The following SIPA1L1 variants were observed in gnomAD, a reference collection of about 807,000 sequenced individuals.
SIPA1L1 encodes the protein signal induced proliferation associated 1 like 1.
SIPA1L1 carries 26 observed loss-of-function variants against 162.7 expected under a neutral mutation model. That is an observed-to-expected ratio of 0.16 (90% CI 0.12 to 0.22). The LOEUF (loss-of-function observed/expected upper bound fraction) is 0.22. SIPA1L1 is among the 10% of genes least tolerant of loss of function. The pLI is 1.00. For synonymous variants in SIPA1L1, 829 were observed against 837.4 expected (o/e 0.99, Z 0.17); for missense variants, 1,874 against 2,241.0 (o/e 0.84, Z 3.31).
At chr14:71,606,358 G>A (rs1333845208) in intron 5 of SIPA1L1, among the ~76,000 whole-genome samples, 1 of 152,136 alleles carries the variant, frequency 6.6e-6, no homozygotes, top group Non-Finnish European at 1.5e-5. Flanking sequence ...TTCAGCCCTG[G>A]TGGTAGCAGT....
chr14:71,559,964 T>C (rs2056655559), intron 4 of SIPA1L1, among the ~76,000 whole-genome samples: 1 of 152,106 alleles, frequency 6.6e-6, no homozygotes, highest in Non-Finnish European at 1.5e-5. Context: ...AAATTTATGC[T>C]CCATATGTAA....
chr14:71,612,713 A>G (rs979856336), intron 5 of SIPA1L1, among the ~76,000 whole-genome samples: 3 of 152,152 alleles, frequency 2.0e-5, no homozygotes, highest in Non-Finnish European at 2.9e-5. Flanking sequence ...GTAAAACACC[A>G]AGCTTAACTT....
At chr14:71,619,594 CCT>C (rs889797032) in intron 6 of SIPA1L1, among the ~76,000 whole-genome samples, 1 of 151,808 alleles carries the variant, frequency 6.6e-6, no homozygotes, top group Non-Finnish European at 1.5e-5. Context: ...ATGAGGTTCT[CCT>C]TTTTCTTTGT....
chr14:71,351,599 T>A (rs2036713025), intron 2 of SIPA1L1, among the ~76,000 whole-genome samples: 1 of 129,156 alleles, frequency 7.7e-6, no homozygotes, highest in Non-Finnish European at 1.7e-5. Context: ...TCCTGTATGG[T>A]TTCCTAATAC....
At chr14:71,456,060 G>A (rs188005829) in intron 2 of SIPA1L1, among the ~76,000 whole-genome samples, 3 of 152,278 alleles carry the variant, frequency 2.0e-5, no homozygotes, top group African/African-American at 7.2e-5. Flanking sequence ...TATTTCACAT[G>A]CAATATCATT....
intron 2 of SIPA1L1, among the ~76,000 whole-genome samples, chr14:71,486,579 A>G (rs2048775176): frequency 6.6e-6 from 1 of 152,218 alleles, no homozygotes; most frequent in African/African-American, 2.4e-5. Context: ...AAAGAAGGGG[A>G]GCGGAGTGGA....
intron 2 of SIPA1L1, among the ~76,000 whole-genome samples, chr14:71,379,208 T>A (rs2039672640): frequency 1.3e-5 from 2 of 152,214 alleles, no homozygotes; most frequent in Non-Finnish European, 2.9e-5. Flanking sequence ...CTTTTTTTCA[T>A]ATTTTTCTGT....
intron 5 of SIPA1L1, among the ~76,000 whole-genome samples, chr14:71,601,194 A>G (rs2148009927): frequency 6.6e-6 from 1 of 152,264 alleles, no homozygotes; most frequent in Non-Finnish European, 1.5e-5. Flanking sequence ...AAAGGATTTC[A>G]GCTTTTCCCC....
intron 12 of SIPA1L1, among the ~76,000 whole-genome samples, chr14:71,679,748 C>G (rs1334654040): frequency 6.6e-6 from 1 of 151,858 alleles, no homozygotes; most frequent in Non-Finnish European, 1.5e-5. Context: ...ATCTACCAAG[C>G]AAATGGAAAA....
intron 2 of SIPA1L1, among the ~76,000 whole-genome samples, chr14:71,372,188 C>T (rs913146361): frequency 6.6e-6 from 1 of 152,094 alleles, no homozygotes; most frequent in Non-Finnish European, 1.5e-5. Context: ...GCTCACCTTC[C>T]TGTGTAGACT....
At chr14:71,347,141 A>G (rs1490794841) in intron 2 of SIPA1L1, among the ~76,000 whole-genome samples, 4 of 148,508 alleles carry the variant, frequency 2.7e-5, no homozygotes, top group Non-Finnish European at 6.0e-5. Context: ...TCGTATTTTT[A>G]GTAGAGATGG....
chr14:71,615,881 A>G (rs1161127275), intron 5 of SIPA1L1, among the ~76,000 whole-genome samples: 2 of 152,222 alleles, frequency 1.3e-5, no homozygotes, highest in African/African-American at 4.8e-5. Flanking sequence ...CTGTAATCCC[A>G]GCTACTCTGA....
intron 2 of SIPA1L1, chr14:71,414,088 C>T (rs2042591899): frequency 6.6e-6 from 1 of 152,024 alleles, no homozygotes; most frequent in African/African-American, 2.4e-5. Flanking sequence ...CTTAGAAGAC[C>T]TGCTATTTGG....
chr14:71,710,807 CAA>C (rs570414143), intron 17 of SIPA1L1, among the ~76,000 whole-genome samples: 14 of 57,640 alleles, frequency 2.4e-4, no homozygotes, highest in African/African-American at 2.7e-4. Flanking sequence ...GATTCTGTCT[CAA>C]AAAAAAAAAA....
At chr14:71,664,698 A>C (rs1055309959) in intron 10 of SIPA1L1, among the ~76,000 whole-genome samples, 2 of 152,190 alleles carry the variant, frequency 1.3e-5, no homozygotes, top group Non-Finnish European at 2.9e-5. Context: ...TTAGCATTTA[A>C]AACCTCTTGG....
In SIPA1L1 at chr14:71,524,857, C is replaced by T. The variant is rs145870197; in HGVS notation, c.-361-4455C>T. Among the ~76,000 whole-genome samples the T allele has an allele frequency of 4.6e-5, 7 of 152,330 alleles. No homozygotes were observed. The East Asian group carries it at 1.4e-3, about 29-fold the overall frequency. On this transcript the variant is annotated intron_variant, in intron 3 of 23. Transcript: ENST00000381232. ...TCATGTCTCCATGCATACGTTCTCT[C>T]CCTCTGCCTAGAGTGATACTTCTAT...
rs1160937320 is a variant in SIPA1L1 at position 71,377,440 on chromosome 14, C to T, written c.-465+56259C>T. On this transcript the variant is annotated intron_variant, in intron 2 of 23. Coordinates refer to ENST00000381232, the MANE Select transcript of SIPA1L1 (RefSeq NM_001386936.1). The surrounding 1 kb of genome is among the most constrained non-coding windows in gnomAD (Gnocchi z 4.8). ...ACAGGGTGGCAGCCGGGTAGAGATG[C>T]TCCTCACTTCCCAGACTGGGCGGCC... 1.3e-5 allele frequency among the ~76,000 whole-genome samples: 2 copies of T among 151,848 alleles called. No homozygotes were observed. Among genetic ancestry groups the T allele is most frequent in the African/African-American group, 4.8e-5 (2 of 41,324 alleles).
intron 2 of SIPA1L1, among the ~76,000 whole-genome samples, chr14:71,466,551 T>G (rs2047008017): frequency 7.9e-6 from 1 of 127,370 alleles, no homozygotes; most frequent in Non-Finnish European, 1.7e-5. Flanking sequence ...TTTGTGTAGA[T>G]AAACAACAGG....
intron 2 of SIPA1L1, among the ~76,000 whole-genome samples, chr14:71,380,627 G>A (rs762284687): frequency 6.6e-6 from 1 of 152,196 alleles, no homozygotes; most frequent in Non-Finnish European, 1.5e-5. Context: ...TTGGATAGCA[G>A]GGTAGAAGAA....
Sources: allele counts gnomAD v4.1 joint callset (sites outside exome capture counted in the v4.1 genomes callset), GRCh38; gene constraint gnomAD v4.1.1; non-coding constraint Gnocchi (gnomAD v3.1); transcripts MANE v1.5; gene names NCBI Gene and HGNC (gene_info 2026-07-23, HGNC 2026-07-21).